Variants in SRCIN1 observed in about 807,000 individuals in gnomAD.
SRCIN1 encodes the protein P130Cas-associated protein.
A neutral mutation model predicts 116.2 loss-of-function variants in SRCIN1; 50 were observed. That is an observed-to-expected ratio of 0.43 (90% CI 0.34 to 0.54). SRCIN1 has a LOEUF of 0.54. Ranked by LOEUF, SRCIN1 falls within the 20% of genes least tolerant of loss-of-function variation. The pLI is 0.02. For synonymous variants in SRCIN1, 736 were observed against 750.0 expected (o/e 0.98, Z 0.30); for missense variants, 1,446 against 1,672.0 (o/e 0.86, Z 2.36).
intron 1 of SRCIN1, among the ~76,000 whole-genome samples, chr17:38,593,471 G>C (rs545449326): frequency 5.9e-5 from 9 of 152,090 alleles, no homozygotes; most frequent in Non-Finnish European, 1.2e-4. Flanking sequence ...GGGAAGGGAG[G>C]GTGTAGGGCT....
intron 18 of SRCIN1, among the ~76,000 whole-genome samples, chr17:38,535,893 C>T (rs1368972597): frequency 6.6e-6 from 1 of 152,210 alleles, no homozygotes. Context: ...CTGAACTGAT[C>T]TTTCTAGGTA....
In SRCIN1 at chr17:38,551,145, C is replaced by T. The variant is rs774716495; in HGVS notation, c.2962+10G>A. 106 of 1,409,686 alleles carry T rather than the reference C, an allele frequency of 7.5e-5. No homozygotes were observed. The highest frequency in any genetic ancestry group is 7.5e-5 in the Non-Finnish European group (77 of 1,031,138). 87.3% of individuals were successfully genotyped at this position (1,409,686 alleles called of 1,614,324 possible). On this transcript the variant is annotated intron_variant, in intron 15 of 18. Transcript: ENST00000617146. ...GCTGGGCTCCTTACCAGCCCTACTA[C>T]TCCCCATACCTGAGCCCCTCCTCCC...
chr17:38,530,852 G>A lies in SRCIN1; in HGVS notation c.*2445C>T, dbSNP rs1237688173. Reference sequence around the variant, plus strand: ...AGGTTACATGCACCTATGTGCCCACGCCTTCCCCCACACATGTGCTCGGCC... The same window carrying A: ...AGGTTACATGCACCTATGTGCCCACACCTTCCCCCACACATGTGCTCGGCC... On this transcript the variant is annotated 3_prime_UTR_variant, in exon 19 of 19. Coordinates refer to ENST00000617146, the MANE Select transcript of SRCIN1 (RefSeq NM_025248.3). 1 of 152,272 alleles carries A rather than the reference G, an allele frequency of 6.6e-6. No individual in the cohort carries two copies. Among genetic ancestry groups the A allele is most frequent in the East Asian group, 1.9e-4 (1 of 5,184 alleles). The allele number at this position is 152,272 out of a possible 1,614,324, so 9.4% of individuals were successfully genotyped here.
At position 38,551,430 on chromosome 17, in the gene SRCIN1, T is replaced by G. The variant is rs774264205; in HGVS notation, c.2728-41A>C. On this transcript the variant is annotated intron_variant, in intron 14 of 18. Transcript: ENST00000617146. ...GGAGTCAGGATTGAGGTAGCTCTCC[T>G]GCTCCAGGACCTCTGGGGCCTCAGC... The G allele has an allele frequency of 2.6e-6, 4 of 1,536,434 alleles. No homozygotes were observed. The African/African-American group carries it at 5.5e-5, about 21-fold the overall frequency.
Position 38,552,628 on chromosome 17 carries a change from AGG to A in SRCIN1, c.2333-36_2333-35del. 3 of 1,612,968 alleles carry A rather than the reference AGG, an allele frequency of 1.9e-6. No individual in the cohort carries two copies. Among genetic ancestry groups the A allele is most frequent in the Non-Finnish European group, 1.7e-6 (2 of 1,179,824 alleles). ...ACAGGAAGGCATGAGCTGGGGCCAGAGGGAGCACCACAGACTGGGAGGAGAGG... is the reference window on the plus strand; with the variant it reads ...ACAGGAAGGCATGAGCTGGGGCCAGAGAGCACCACAGACTGGGAGGAGAGG... On this transcript the variant is annotated intron_variant, in intron 12 of 18. Transcript: ENST00000617146. The surrounding 1 kb of genome is among the most constrained non-coding windows in gnomAD (Gnocchi z 5.3).
intron 1 of SRCIN1, among the ~76,000 whole-genome samples, chr17:38,580,350 C>T (rs918243879): frequency 1.3e-5 from 2 of 152,136 alleles, no homozygotes; most frequent in Non-Finnish European, 2.9e-5. Flanking sequence ...CCATTAGGGG[C>T]ACAGAGCCTG....
rs2040945479 is a variant in SRCIN1, at chr17:38,533,103, A to AAAAC, written c.*193_*194insGTTT. On this transcript the variant is annotated 3_prime_UTR_variant, in exon 19 of 19. Coordinates refer to ENST00000617146, the MANE Select transcript of SRCIN1 (RefSeq NM_025248.3). ...AATTAAAAGTTAATTGTTAAAAAAA[A>AAAAC]AAAAAAAAACAAAACCAAAAACACC... The AAAAC allele has an allele frequency of 9.4e-6, 4 of 424,130 alleles. No individual in the cohort carries two copies. Among genetic ancestry groups the AAAAC allele is most frequent in the Non-Finnish European group, 1.5e-5 (4 of 267,848 alleles). The allele number at this position is 424,130 out of a possible 1,614,324, so 26.3% of individuals were successfully genotyped here.
At chr17:38,576,889 G>A (rs922415263) in intron 2 of SRCIN1, among the ~76,000 whole-genome samples, 2 of 151,304 alleles carry the variant, frequency 1.3e-5, no homozygotes, top group Non-Finnish European at 2.9e-5. Context: ...CTCCAGTCCC[G>A]CTTCTCCCCT....
At chr17:38,540,710 G>A (rs1409225731) in intron 18 of SRCIN1, among the ~76,000 whole-genome samples, 1 of 152,022 alleles carries the variant, frequency 6.6e-6, no homozygotes, top group African/African-American at 2.4e-5. Context: ...CATCTGCCAG[G>A]GGCCGGGGCA....
chr17:38,549,031 CCT>C (rs1905233117), intron 16 of SRCIN1, 23 bp downstream of exon 16: 1 of 1,612,466 alleles, frequency 6.2e-7, no homozygotes, highest in Non-Finnish European at 8.5e-7. Flanking sequence ...GTCCCCTGGC[CCT>C]CTGTCTGAGG....
chr17:38,551,092 T>A, intron 15 of SRCIN1, 63 bp downstream of exon 15: 1 of 691,240 alleles, frequency 1.4e-6, no homozygotes, highest in Non-Finnish European at 2.4e-6. Context: ...CCCATCAGCC[T>A]GGGCTCCTGA....
intron 2 of SRCIN1, among the ~76,000 whole-genome samples, chr17:38,577,740 A>G (rs951664184): frequency 4.6e-5 from 7 of 152,198 alleles, no homozygotes; most frequent in African/African-American, 1.7e-4. Flanking sequence ...CAAGAAGCTC[A>G]TACTTGGGTG....
intron 2 of SRCIN1, among the ~76,000 whole-genome samples, chr17:38,570,725 C>A (rs1184126822): frequency 1.3e-5 from 2 of 152,216 alleles, no homozygotes. Flanking sequence ...ATGGGCCTGC[C>A]CCAGGGTCCC....
chr17:38,542,645 G>A (rs1904820784), intron 18 of SRCIN1: 1 of 158,880 alleles, frequency 6.3e-6, no homozygotes, highest in Non-Finnish European at 1.4e-5. Flanking sequence ...TGCTTTTTGA[G>A]AAATTCTCCT....
chr17:38,575,681 CAGG>C (rs1297799356), intron 2 of SRCIN1, among the ~76,000 whole-genome samples: 2 of 152,296 alleles, frequency 1.3e-5, no homozygotes, highest in Admixed American at 1.3e-4. Flanking sequence ...AACCGCTGGG[CAGG>C]AGAAGCCTCC....
intron 18 of SRCIN1, among the ~76,000 whole-genome samples, chr17:38,539,344 C>T (rs908966403): frequency 6.6e-6 from 1 of 152,204 alleles, no homozygotes; most frequent in Non-Finnish European, 1.5e-5. Context: ...CCTGTCTTAG[C>T]CTCCCAAAGT....
chr17:38,538,164 T>TAATC (rs754325476), intron 18 of SRCIN1, among the ~76,000 whole-genome samples: 93 of 150,208 alleles, frequency 6.2e-4, no homozygotes, highest in Non-Finnish European at 1.2e-3. Flanking sequence ...CTCACACCTG[T>TAATC]AATCCCAGCA....
At chr17:38,605,580 C>CT in intron 1 of SRCIN1, 104 bp downstream of exon 1, 5 of 956,178 alleles carry the variant, frequency 5.2e-6, no homozygotes, top group Non-Finnish European at 7.1e-6. Context: ...CCGGCCCGGC[C>CT]GCCGCCCCCG....
chr17:38,556,003 C>T (rs73982834), intron 11 of SRCIN1, among the ~76,000 whole-genome samples: 4,251 of 152,262 alleles, frequency 0.028, 224 homozygotes, highest in African/African-American at 0.097. Flanking sequence ...GTTCTGATCA[C>T]CCAATCTGCC....
Sources: allele counts gnomAD v4.1 joint callset (sites outside exome capture counted in the v4.1 genomes callset), GRCh38; gene constraint gnomAD v4.1.1; non-coding constraint Gnocchi (gnomAD v3.1); transcripts MANE v1.5; gene names NCBI Gene and HGNC (gene_info 2026-07-23, HGNC 2026-07-21).